The following TPR variants were observed in gnomAD, a reference collection of about 807,000 sequenced individuals.
TPR encodes nucleoprotein TPR.
Under a neutral mutation model 316.1 loss-of-function variants are expected in TPR, and 51 were observed. The ratio of observed to expected loss-of-function variants is 0.16; its 90% CI spans 0.13 to 0.20. The LOEUF (loss-of-function observed/expected upper bound fraction) is 0.20, where lower values mean the gene tolerates loss of function less well. Among genes scored for constraint, TPR ranks in the 10% least tolerant of loss-of-function variants. The pLI is 1.00. For synonymous variants in TPR, 981 were observed against 914.7 expected, an observed-to-expected ratio of 1.07 and a Z score of -1.31; for missense variants, 2,272 against 2,754.8, an observed-to-expected ratio of 0.82 and a Z score of 3.92.
chr1:186,360,661 C>T, intron 10 of TPR, 104 bp downstream of exon 10: 1 of 1,450,344 alleles, frequency 6.9e-7, no homozygotes. Flanking sequence ...ATGGAGTTTC[C>T]TACATCACAG....
chr1:186,327,161 ATAACATATATAT>A (rs1219034071), intron 40 of TPR, among the ~76,000 whole-genome samples: 2 of 4,338 alleles, frequency 4.6e-4, no homozygotes, highest in South Asian at 5.3e-3. Flanking sequence ...ATATAAATAT[ATAACATATATAT>A]TATATATATA....
intron 17 of TPR, among the ~76,000 whole-genome samples, chr1:186,354,207 C>A (rs950804036): frequency 6.6e-6 from 1 of 151,656 alleles, no homozygotes; most frequent in African/African-American, 2.4e-5. Context: ...TAAGGTAAAA[C>A]CTTCATTCTT....
At chr1:186,370,814 T>A (rs930144788) in intron 3 of TPR, among the ~76,000 whole-genome samples, 156 bp downstream of exon 3, 10 of 152,124 alleles carry the variant, frequency 6.6e-5, no homozygotes, top group South Asian at 6.2e-4. Flanking sequence ...ATAGATCCAA[T>A]TAAGGAATTT....
intron 15 of TPR, 111 bp downstream of exon 15, chr1:186,356,175 T>G (rs1185733115): frequency 4.5e-6 from 4 of 891,014 alleles, no homozygotes; most frequent in Non-Finnish European, 4.9e-6. Context: ...TTATATATGG[T>G]AGTCAAATTT....
chr1:186,314,639 G>A lies in TPR; in HGVS notation c.7026C>T (p.Asn2342=). Residue 2342 remains asparagine (N), a synonymous_variant, in exon 50 of 51, where the codon AAC becomes AAT. Coordinates refer to ENST00000367478, the MANE Select transcript of TPR (RefSeq NM_003292.3). ...ATGTCAGAAATTCACCTCTCTGTCTGTTAAACTGACGACCACGGACACCTT... is the reference window on the plus strand; with the variant it reads ...ATGTCAGAAATTCACCTCTCTGTCTATTAAACTGACGACCACGGACACCTT... The part of the protein sequence containing the change: ...LRQGVRGRQF[N]RQRGVSHAMG... 1 of 1,609,736 alleles carries A rather than the reference G, an allele frequency of 6.2e-7. No homozygotes were observed. The highest frequency in any genetic ancestry group is 8.5e-7 in the Non-Finnish European group (1 of 1,177,752).
intron 3 of TPR, among the ~76,000 whole-genome samples, chr1:186,368,499 ACTCAG>A (rs1231369808): frequency 2.0e-5 from 3 of 152,032 alleles, no homozygotes; most frequent in African/African-American, 7.2e-5. Flanking sequence ...GGTCCCACCT[ACTCAG>A]GAAGCTGAGG....
At position 186,352,105 on chromosome 1, in the gene TPR, T is replaced by C; in HGVS notation, c.2340A>G (p.Arg780=). The C allele has an allele frequency of 2.5e-6, 4 of 1,599,782 alleles. No homozygotes were observed. The South Asian group carries it at 4.6e-5, about 18-fold the overall frequency. ...ANEKLAVAEV[R]AENLKKEKEM... Reference sequence around the variant, plus strand: ...CCTTTTCCTTCTTCAAATTTTCTGCTCTTACCTAAACATAAGTAGAAATGA... The same window carrying C: ...CCTTTTCCTTCTTCAAATTTTCTGCCCTTACCTAAACATAAGTAGAAATGA... Residue 780 remains arginine (R), a synonymous_variant, in exon 19 of 51, where the codon AGA becomes AGG. Coordinates refer to ENST00000367478, the MANE Select transcript of TPR (RefSeq NM_003292.3).
rs536662378 is a variant in TPR, at chr1:186,317,899, T to C, written c.6822-299A>G. On this transcript the variant is annotated intron_variant, in intron 48 of 50. Coordinates refer to ENST00000367478, the MANE Select transcript of TPR (RefSeq NM_003292.3). ...ACATTCTTGACACTCATAAGAAATA[T>C]ATGGTCCAGATTTTGATAAATCTCA... is the stretch of plus-strand genomic sequence containing the variant. Among the ~76,000 whole-genome samples the C allele has an allele frequency of 1.2e-4, 18 of 152,320 alleles. No homozygotes were observed. In the South Asian group the frequency reaches 3.1e-3, roughly 26 times the overall value.
intron 42 of TPR, among the ~76,000 whole-genome samples, chr1:186,324,209 G>A (rs1265499553): frequency 6.6e-6 from 1 of 151,612 alleles, no homozygotes; most frequent in East Asian, 1.9e-4. Flanking sequence ...CTCGACCTAT[G>A]ATAAACATTA....
chr1:186,369,573 A>G (rs1000544883), intron 3 of TPR, among the ~76,000 whole-genome samples: 5 of 152,018 alleles, frequency 3.3e-5, no homozygotes, highest in African/African-American at 1.2e-4. Flanking sequence ...ATGCTACTAG[A>G]TTTTTTAATA....
chr1:186,331,548 C>T lies in TPR; in HGVS notation c.5638G>A (p.Glu1880Lys), dbSNP rs1658166353. ...TGGTTGTATACCTGAGTCTCTACCT[C>T]TCCATCAGTACTTTCTTCTGCCATA... ...EVMAEESTDG[E>K]VETQVYNQDS... The change falls in exon 39 of 51, where the codon GAG becomes AAG. Residue 1880 changes from glutamate to lysine, a missense_variant. Glu to Lys is a moderately conservative substitution (Grantham distance 56, BLOSUM62 1). Around this residue, in one of 10 missense-constraint regions of TPR, gnomAD observed 435 missense variants for 461.1 expected, o/e 0.94. Transcript: ENST00000367478. 3.7e-6 allele frequency: 6 copies of T among 1,609,142 alleles called. No individual in the cohort carries two copies. Among genetic ancestry groups the T allele is most frequent in the Non-Finnish European group, 5.1e-6 (6 of 1,177,484 alleles).
At chr1:186,326,314 G>T (rs1380450852) in intron 40 of TPR, 79 bp from the exon 41 acceptor site, 11 of 1,527,078 alleles carry the variant, frequency 7.2e-6, no homozygotes, top group Non-Finnish European at 9.7e-6. Flanking sequence ...ACCACACTTA[G>T]AAATTTAAGT....
chr1:186,330,978 G>A (rs946149303), intron 39 of TPR, among the ~76,000 whole-genome samples: 1 of 152,090 alleles, frequency 6.6e-6, no homozygotes, highest in African/African-American at 2.4e-5. Flanking sequence ...GCTTCCTAGT[G>A]GTGGAGCTAG....
At chr1:186,372,456 C>T (rs527722231) in intron 2 of TPR, among the ~76,000 whole-genome samples, 46 of 152,102 alleles carry the variant, frequency 3.0e-4, no homozygotes, top group African/African-American at 1.0e-3. Context: ...GCGCAAGAAT[C>T]GCTTGAACCC....
rs1440058684 is a variant in TPR, at chr1:186,371,036, T to C, written c.264A>G (p.Gln88=). Residue 88 remains glutamine (Q), a synonymous_variant, in exon 3 of 51, where the codon CAA becomes CAG. Transcript: ENST00000367478. ...LRLELEKLNN[Q]LKALTEKNKE... ...TGTTTTTCTCAGTTAGTGCCTTCAG[T>C]TGATTGTCTGGATAAAAGGAATTTT... The C allele has an allele frequency of 1.9e-6, 3 of 1,612,870 alleles. No individual in the cohort carries two copies. Among genetic ancestry groups the C allele is most frequent in the Non-Finnish European group, 1.7e-6 (2 of 1,179,320 alleles).
intron 25 of TPR, 67 bp downstream of exon 25, chr1:186,344,305 CATT>C (rs1658610446): frequency 2.4e-5 from 37 of 1,543,202 alleles, no homozygotes; most frequent in Non-Finnish European, 3.2e-5. Flanking sequence ...CATCTCAAAA[CATT>C]ATAAAATAAA....
chr1:186,333,893 C>T (rs933513156), intron 36 of TPR, among the ~76,000 whole-genome samples: 1 of 152,086 alleles, frequency 6.6e-6, no homozygotes, highest in African/African-American at 2.4e-5. Context: ...TACTGAACAC[C>T]TACTGTGGAG....
chr1:186,363,305 G>C (rs748970851), intron 5 of TPR, 37 bp downstream of exon 5: 11 of 1,467,744 alleles, frequency 7.5e-6, no homozygotes, highest in Non-Finnish European at 1.0e-5. Context: ...TTAATAAAAA[G>C]CTATAGTTTA....
chr1:186,344,370 A>T lies in TPR; in HGVS notation c.3417+5T>A. 6.2e-7 allele frequency: 1 copy of T among 1,612,262 alleles called. No individual in the cohort carries two copies. The highest frequency in any genetic ancestry group is 8.5e-7 in the Non-Finnish European group (1 of 1,179,224). ...AGAACATTCTATTCAGATTTACAAT[A>T]ATACCTTTAACATTCTCTCTCTTTC... On this transcript the variant is annotated splice_donor_5th_base_variant and intron_variant, in intron 25 of 50. Coordinates refer to ENST00000367478, the MANE Select transcript of TPR (RefSeq NM_003292.3).
Sources: allele counts gnomAD v4.1 joint callset (sites outside exome capture counted in the v4.1 genomes callset), GRCh38; gene constraint gnomAD v4.1.1; regional missense constraint gnomAD v4.1.1; transcripts MANE v1.5; gene names NCBI Gene and HGNC (gene_info 2026-07-23, HGNC 2026-07-21).